PTPRN2: variants seen among roughly 807,000 people sequenced by gnomAD.
PTPRN2 encodes the protein protein tyrosine phosphatase receptor type N2.
A neutral mutation model predicts 118.8 loss-of-function variants in PTPRN2; 74 were observed. That is an observed-to-expected ratio of 0.62 (90% confidence interval 0.52 to 0.76). The LOEUF (loss-of-function observed/expected upper bound fraction) is 0.76. Ranked by LOEUF, PTPRN2 falls within the 30% of genes least tolerant of loss-of-function variation. PTPRN2 has a pLI of 0.00. For missense variants in PTPRN2, 1,481 were observed against 1,394.4 expected, an observed-to-expected ratio of 1.06 and a Z score of -0.99; for synonymous variants, 641 against 608.0, an observed-to-expected ratio of 1.05 and a Z score of -0.80.
chr7:158,103,430 CA>C (rs2150351768), intron 10 of PTPRN2, among the ~76,000 whole-genome samples: 1 of 152,340 alleles, frequency 6.6e-6, no homozygotes, highest in South Asian at 2.1e-4. Context: ...AGGTGAGACT[CA>C]AAGACCATCA....
At chr7:158,372,803 A>T (rs1344416623) in intron 2 of PTPRN2, among the ~76,000 whole-genome samples, 1 of 152,164 alleles carries the variant, frequency 6.6e-6, no homozygotes, top group African/African-American at 2.4e-5. Flanking sequence ...TGCAGGAAAA[A>T]ATATATATAT....
intron 11 of PTPRN2, among the ~76,000 whole-genome samples, chr7:157,997,860 T>G (rs13312270): frequency 2.3e-4 from 13 of 56,594 alleles, no homozygotes; most frequent in South Asian, 8.0e-4. Context: ...AGTGCAGGGC[T>G]GGGGGAGAGT....
chr7:157,772,233 A>AGACACC (rs1802896019), intron 12 of PTPRN2, among the ~76,000 whole-genome samples: 8 of 151,028 alleles, frequency 5.3e-5, no homozygotes, highest in Non-Finnish European at 1.5e-5. Context: ...AGACACACAC[A>AGACACC]CATACACACA....
At chr7:157,718,856 G>A (rs889450853) in intron 12 of PTPRN2, among the ~76,000 whole-genome samples, 1 of 152,112 alleles carries the variant, frequency 6.6e-6, no homozygotes, top group African/African-American at 2.4e-5. Context: ...CCGACCTCTG[G>A]GGCCCTCAGA....
intron 11 of PTPRN2, among the ~76,000 whole-genome samples, chr7:158,058,568 C>T (rs1240048794): frequency 2.2e-5 from 2 of 89,108 alleles, no homozygotes. Flanking sequence ...TGCAGCCACA[C>T]TCCATCTGCC....
At chr7:157,907,565 CTGTG>C (rs1185117121) in intron 11 of PTPRN2, among the ~76,000 whole-genome samples, 1 of 141,974 alleles carries the variant, frequency 7.0e-6, no homozygotes, top group Non-Finnish European at 1.5e-5. Flanking sequence ...TCCCTGTCTC[CTGTG>C]TGTGAGGTGT....
intron 11 of PTPRN2, among the ~76,000 whole-genome samples, chr7:158,059,358 C>T (rs560894231): frequency 5.4e-5 from 7 of 129,404 alleles, no homozygotes; most frequent in East Asian, 2.4e-4. Context: ...CATCTGCACA[C>T]GGTGACGCAT....
intron 6 of PTPRN2, among the ~76,000 whole-genome samples, chr7:158,155,488 C>T (rs1448988710): frequency 2.7e-5 from 4 of 148,892 alleles, no homozygotes; most frequent in Admixed American, 6.6e-5. Flanking sequence ...CCATCATCAT[C>T]ACCATCACCA....
chr7:158,083,341 A>G (rs192024735), intron 10 of PTPRN2, among the ~76,000 whole-genome samples: 155 of 152,120 alleles, frequency 1.0e-3, no homozygotes, highest in African/African-American at 3.6e-3. Context: ...CACAAGCAGC[A>G]CTCATGTACC....
intron 12 of PTPRN2, among the ~76,000 whole-genome samples, chr7:157,684,191 C>T (rs1368682709): frequency 1.3e-5 from 2 of 151,898 alleles, no homozygotes; most frequent in South Asian, 2.1e-4. Context: ...CCTCCTTTTG[C>T]CTTCGGTGCA....
At chr7:157,852,982 A>T (rs926982500) in intron 12 of PTPRN2, among the ~76,000 whole-genome samples, 2 of 151,984 alleles carry the variant, frequency 1.3e-5, no homozygotes, top group African/African-American at 2.4e-5. Flanking sequence ...TGTTTTGGAA[A>T]AGTGTTGATT....
intron 11 of PTPRN2, among the ~76,000 whole-genome samples, chr7:158,002,892 C>G (rs917601007): frequency 5.3e-5 from 8 of 152,208 alleles, no homozygotes; most frequent in Non-Finnish European, 1.2e-4. Context: ...TGGGCTGGAT[C>G]TCATCTGTGG....
chr7:158,079,803 T>C lies in PTPRN2; in HGVS notation c.1723+1495A>G, dbSNP rs181172163. ...CCCCATTCCTCTTGCGTGGGAGTGT[T>C]TGGTATGGATCCCACTGACTTTTCA... On this transcript the variant is annotated intron_variant, in intron 11 of 22. Coordinates refer to ENST00000389418, the MANE Select transcript of PTPRN2 (RefSeq NM_002847.5). Among the ~76,000 whole-genome samples, 946 of 152,266 alleles carry C rather than the reference T, an allele frequency of 6.2e-3. 11 individuals carry two copies. Among genetic ancestry groups the C allele is most frequent in the Non-Finnish European group, 8.4e-3 (569 of 68,018 alleles).
chr7:157,959,520 G>A lies in PTPRN2; in HGVS notation c.1724-60783C>T, dbSNP rs75907985. Among the ~76,000 whole-genome samples, 1,235 of 152,290 alleles carry A rather than the reference G, an allele frequency of 8.1e-3. 28 individuals are homozygous for A. Among genetic ancestry groups the A allele is most frequent in the African/African-American group, 0.028 (1,184 of 41,568 alleles). On this transcript the variant is annotated intron_variant, in intron 11 of 22. Transcript: ENST00000389418. ...TAAGACTCCTACACCCAACAACAAAGAAGCAAGGATTGGAATAGACATTTC... is the reference window on the plus strand; with the variant it reads ...TAAGACTCCTACACCCAACAACAAAAAAGCAAGGATTGGAATAGACATTTC...
rs1409614628 is a variant in PTPRN2, at chr7:157,881,092, A to C, written c.1788+17581T>G. Reference sequence around the variant, plus strand: ...AAAATGAGGTCATGAGGATATGTGGAGATGGGGGTGTTTACAGTAGTCATT... The same window carrying C: ...AAAATGAGGTCATGAGGATATGTGGCGATGGGGGTGTTTACAGTAGTCATT... On this transcript the variant is annotated intron_variant, in intron 12 of 22. Transcript: ENST00000389418. The surrounding 1 kb of genome is among the most constrained non-coding windows in gnomAD (Gnocchi z 4.7). Among the ~76,000 whole-genome samples, 1 of 152,158 alleles carries C rather than the reference A, an allele frequency of 6.6e-6. No homozygotes were observed. The highest frequency in any genetic ancestry group is 2.4e-5 in the African/African-American group (1 of 41,436).
chr7:158,138,287 C>A lies in PTPRN2; in HGVS notation c.1132+7G>T. ...CTGGGTGTGGGCACCCATGGCGCTG[C>A]AGTCACCTGGAAAGCTGTCTCCACG... On this transcript the variant is annotated splice_region_variant and intron_variant, in intron 7 of 22. Coordinates refer to ENST00000389418, the MANE Select transcript of PTPRN2 (RefSeq NM_002847.5). 1.9e-6 allele frequency: 3 copies of A among 1,610,344 alleles called. No individual in the cohort carries two copies. Among genetic ancestry groups the A allele is most frequent in the Non-Finnish European group, 2.5e-6 (3 of 1,179,096 alleles).
At chr7:157,762,408 G>A (rs1802187727) in intron 12 of PTPRN2, among the ~76,000 whole-genome samples, 1 of 151,920 alleles carries the variant, frequency 6.6e-6, no homozygotes, top group Admixed American at 6.6e-5. Context: ...GGAATACTAT[G>A]CAGCCATAAA....
intron 2 of PTPRN2, among the ~76,000 whole-genome samples, chr7:158,473,375 C>T (rs2129444405): frequency 6.6e-6 from 1 of 152,368 alleles, no homozygotes; most frequent in South Asian, 2.1e-4. Flanking sequence ...ATAAACCCCT[C>T]TGACGAGCTG....
At chr7:157,815,030 T>A (rs1806304159) in intron 12 of PTPRN2, among the ~76,000 whole-genome samples, 2 of 152,226 alleles carry the variant, frequency 1.3e-5, no homozygotes, top group Admixed American at 1.3e-4. Context: ...GGCCCTGCGT[T>A]TCTCTCCTCT....
Sources: allele counts gnomAD v4.1 joint callset (sites outside exome capture counted in the v4.1 genomes callset), GRCh38; gene constraint gnomAD v4.1.1; non-coding constraint Gnocchi (gnomAD v3.1); transcripts MANE v1.5; gene names NCBI Gene and HGNC (gene_info 2026-07-23, HGNC 2026-07-21).